Variants in LPCAT1 observed in about 807,000 individuals in gnomAD.
LPCAT1 encodes the protein 1-acylglycerol-3-phosphate O-acyltransferase.
LPCAT1 carries 23 observed loss-of-function variants against 60.9 expected under a neutral mutation model. The ratio of observed to expected loss-of-function variants is 0.38; its 90% CI spans 0.27 to 0.53. The LOEUF is 0.53. Ranked by LOEUF, LPCAT1 falls within the 20% of genes least tolerant of loss-of-function variation. LPCAT1 has a pLI of 0.82. For synonymous variants in LPCAT1, 340 were observed against 301.1 expected (o/e 1.13, Z -1.34); for missense variants, 622 against 723.6 (o/e 0.86, Z 1.61).
At chr5:1,469,209 C>T (rs1213844455) in intron 12 of LPCAT1, among the ~76,000 whole-genome samples, 1 of 152,106 alleles carries the variant, frequency 6.6e-6, no homozygotes, top group Non-Finnish European at 1.5e-5. Flanking sequence ...GTAGGGCAGC[C>T]TAGGCCTCAC....
chr5:1,484,040 T>C (rs1735277355), intron 5 of LPCAT1, among the ~76,000 whole-genome samples: 1 of 152,226 alleles, frequency 6.6e-6, no homozygotes, highest in South Asian at 2.1e-4. Flanking sequence ...CACATACACC[T>C]GCCTCGGGGC....
intron 11 of LPCAT1, 59 bp downstream of exon 11, chr5:1,473,898 T>C: frequency 5.7e-6 from 9 of 1,576,050 alleles, no homozygotes; most frequent in Non-Finnish European, 7.8e-6. Flanking sequence ...GAGAACAATT[T>C]ATGCTTCAAA....
At position 1,463,657 on chromosome 5, in the gene LPCAT1, C is replaced by T. The variant is rs1171827019; in HGVS notation, c.1599G>A (p.Leu533=). Residue 533 remains leucine (L), a synonymous_variant, in exon 14 of 14, where the codon CTG becomes CTA. Transcript: ENST00000283415. ...CTCTCCGCAACCCTGGGTCCTAATC[C>T]AGCTTCTTGCGAACAGGCTTCCGCC... ...DAGRKPVRKK[L]D is the part of the protein sequence containing the mutation. 1 of 1,614,014 alleles carries T rather than the reference C, an allele frequency of 6.2e-7. No individual in the cohort carries two copies. The highest frequency in any genetic ancestry group is 1.7e-5 in the Admixed American group (1 of 60,016).
rs766183692 is a variant in LPCAT1, at chr5:1,521,271, C to T, written c.135+2439G>A. 2.0e-5 allele frequency: 19 copies of T among 942,814 alleles called. No individual in the cohort carries two copies. The highest frequency in any genetic ancestry group is 8.9e-5 in the African/African-American group (5 of 56,152). The allele number at this position is 942,814 out of a possible 1,614,324, so 58.4% of individuals were successfully genotyped here. On this transcript the variant is annotated intron_variant, in intron 1 of 13. Coordinates refer to ENST00000283415, the MANE Select transcript of LPCAT1 (RefSeq NM_024830.5). This position sits in a 1 kb window ranked among gnomAD's most constrained non-coding sequence, Gnocchi z 4.3. ...GGCTGGCTGGAGGAGGAGGTGTCCC[C>T]GCATGGCGCTAATCCGAAGACACAC...
intron 1 of LPCAT1, among the ~76,000 whole-genome samples, chr5:1,506,829 A>G (rs2126602581): frequency 6.6e-6 from 1 of 152,300 alleles, no homozygotes; most frequent in South Asian, 2.1e-4. Context: ...GTCCACTGAG[A>G]GCAAGCGTGC....
chr5:1,491,672 T>A (rs958833269), intron 3 of LPCAT1, among the ~76,000 whole-genome samples: 2 of 152,134 alleles, frequency 1.3e-5, no homozygotes, highest in Admixed American at 1.3e-4. Context: ...ACAGCCACAC[T>A]GGGACTGGCG....
chr5:1,469,133 G>A (rs1011267110), intron 12 of LPCAT1, among the ~76,000 whole-genome samples: 22 of 152,298 alleles, frequency 1.4e-4, no homozygotes, highest in African/African-American at 5.1e-4. Flanking sequence ...CCGTGGGGAC[G>A]CAGCCATATC....
At chr5:1,519,063 AG>A (rs1213233569) in intron 1 of LPCAT1, among the ~76,000 whole-genome samples, 2 of 152,268 alleles carry the variant, frequency 1.3e-5, no homozygotes, top group African/African-American at 4.8e-5. Flanking sequence ...GAGTTTTAAA[AG>A]TTGGCACAGA....
Position 1,480,360 on chromosome 5 carries a change from G to A in LPCAT1, c.761+582C>T, listed in dbSNP as rs1735088174. ...CCTCCCAAACGCCTGGAATGGAGCTGCTCTCTCTTGGACTTTCCCGCTCCC... is the reference window on the plus strand; with the variant it reads ...CCTCCCAAACGCCTGGAATGGAGCTACTCTCTCTTGGACTTTCCCGCTCCC... On this transcript the variant is annotated intron_variant, in intron 7 of 13. Coordinates refer to ENST00000283415, the MANE Select transcript of LPCAT1 (RefSeq NM_024830.5). The surrounding 1 kb of genome is among the most constrained non-coding windows in gnomAD (Gnocchi z 6.4). The A allele has an allele frequency of 1.0e-6, 1 of 985,212 alleles. No individual in the cohort carries two copies. Among genetic ancestry groups the A allele is most frequent in the African/African-American group, 1.7e-5 (1 of 57,206 alleles). 61.0% of individuals were successfully genotyped at this position (985,212 alleles called of 1,614,324 possible).
chr5:1,470,939 GCT>G lies in LPCAT1; in HGVS notation c.1180-17_1180-16del. The G allele has an allele frequency of 6.2e-7, 1 of 1,607,882 alleles. No homozygotes were observed. The highest frequency in any genetic ancestry group is 8.5e-7 in the Non-Finnish European group (1 of 1,176,852). On this transcript the variant is annotated splice_polypyrimidine_tract_variant and intron_variant, in intron 11 of 13. Transcript: ENST00000283415. The stretch of plus-strand genomic sequence containing the variant: ...CCGCTGCCGCTCTGTGGGGAGAGAC[GCT>G]CTCAGCCACAGCTCGGCCGCCTTCG...
intron 1 of LPCAT1, among the ~76,000 whole-genome samples, chr5:1,506,747 G>A (rs1299632025): frequency 1.3e-5 from 2 of 152,220 alleles, no homozygotes; most frequent in Non-Finnish European, 2.9e-5. Context: ...CCCAGGCAGC[G>A]TCGCTGGAGA....
chr5:1,499,188 G>A (rs1189672682), intron 2 of LPCAT1, among the ~76,000 whole-genome samples: 2 of 152,244 alleles, frequency 1.3e-5, no homozygotes, highest in Non-Finnish European at 2.9e-5. Context: ...AGCCACCAGG[G>A]TTAGCATGGG....
chr5:1,475,714 C>T (rs545470535), intron 9 of LPCAT1, among the ~76,000 whole-genome samples: 1 of 152,320 alleles, frequency 6.6e-6, no homozygotes, highest in East Asian at 1.9e-4. Flanking sequence ...GGTCCCTCTG[C>T]TCATGATCAA....
rs1734951405 is a variant in LPCAT1, at chr5:1,477,138, G to T, written c.899+266C>A. Among the ~76,000 whole-genome samples, 4 of 152,224 alleles carry T rather than the reference G, an allele frequency of 2.6e-5. No homozygotes were observed. Among genetic ancestry groups the T allele is most frequent in the African/African-American group, 9.6e-5 (4 of 41,458 alleles). On this transcript the variant is annotated intron_variant, in intron 9 of 13. Transcript: ENST00000283415. This position sits in a 1 kb window ranked among gnomAD's most constrained non-coding sequence, Gnocchi z 6.0. ...CTCATTTAGGGCACAGGAAACATAG[G>T]ACCTGGGGTGACCAACGGCTGCAGG...
chr5:1,515,782 G>A (rs1579816901), intron 1 of LPCAT1, among the ~76,000 whole-genome samples: 1 of 152,146 alleles, frequency 6.6e-6, no homozygotes, highest in African/African-American at 2.4e-5. Flanking sequence ...CCGAGCTGCA[G>A]GAGTGCCTCT....
Position 1,521,245 on chromosome 5 carries a change from G to C in LPCAT1, c.135+2465C>G, listed in dbSNP as rs1736668491. ...CTAAATCTGTAGTTAAATGACAGAT[G>C]GGCTGGCTGGAGGAGGAGGTGTCCC... On this transcript the variant is annotated intron_variant, in intron 1 of 13. Coordinates refer to ENST00000283415, the MANE Select transcript of LPCAT1 (RefSeq NM_024830.5). This position sits in a 1 kb window ranked among gnomAD's most constrained non-coding sequence, Gnocchi z 4.3. 2 of 734,256 alleles carry C rather than the reference G, an allele frequency of 2.7e-6. No homozygotes were observed. Among genetic ancestry groups the C allele is most frequent in the Non-Finnish European group, 3.3e-6 (2 of 601,234 alleles). The allele number at this position is 734,256 out of a possible 1,614,324, so 45.5% of individuals were successfully genotyped here.
chr5:1,475,561 AAGGTCG>A (rs1217914225), intron 9 of LPCAT1, among the ~76,000 whole-genome samples: 2 of 152,160 alleles, frequency 1.3e-5, no homozygotes, highest in African/African-American at 4.8e-5. Flanking sequence ...GATGAAAACC[AAGGTCG>A]AGGAAGGATG....
In LPCAT1 at chr5:1,495,062, G is replaced by A; in HGVS notation, c.279-148C>T. ...GTCGCCGCCGCTGGGACATCTGCTTGAGGGAAGAAAAGACGCCGCGCCTTC... is the reference window on the plus strand; with the variant it reads ...GTCGCCGCCGCTGGGACATCTGCTTAAGGGAAGAAAAGACGCCGCGCCTTC... On this transcript the variant is annotated intron_variant, in intron 2 of 13. Coordinates refer to ENST00000283415, the MANE Select transcript of LPCAT1 (RefSeq NM_024830.5). The surrounding 1 kb of genome is among the most constrained non-coding windows in gnomAD (Gnocchi z 4.7). 1 of 714,600 alleles carries A rather than the reference G, an allele frequency of 1.4e-6. No individual in the cohort carries two copies. The highest frequency in any genetic ancestry group is 2.3e-6 in the Non-Finnish European group (1 of 441,146). The allele number at this position is 714,600 out of a possible 1,614,324, so 44.3% of individuals were successfully genotyped here. A position where few individuals can be genotyped will look rare whatever the true frequency, so the allele number is the denominator to read the frequency against.
chr5:1,513,346 G>T (rs1356654051), intron 1 of LPCAT1, among the ~76,000 whole-genome samples: 1 of 152,266 alleles, frequency 6.6e-6, no homozygotes, highest in East Asian at 1.9e-4. Context: ...CACTCTAGAG[G>T]AGAGATTCCA....
Sources: allele counts gnomAD v4.1 joint callset (sites outside exome capture counted in the v4.1 genomes callset), GRCh38; gene constraint gnomAD v4.1.1; non-coding constraint Gnocchi (gnomAD v3.1); transcripts MANE v1.5; gene names NCBI Gene and HGNC (gene_info 2026-07-23, HGNC 2026-07-21).